The following LSG1 variants were observed in gnomAD, a reference collection of about 807,000 sequenced individuals.
The protein encoded by LSG1 is large subunit GTPase 1 homolog.
Under a neutral mutation model 82.6 loss-of-function variants are expected in LSG1, and 55 were observed. The observed-to-expected ratio is 0.67, with a 90% confidence interval of 0.54 to 0.83. LSG1 has a LOEUF of 0.83. Among genes scored for constraint, LSG1 ranks in the 40% least tolerant of loss-of-function variants. LSG1 has a pLI of 0.00. For synonymous variants in LSG1, 272 were observed against 282.5 expected, an observed-to-expected ratio of 0.96 and a Z score of 0.37; for missense variants, 809 against 807.9, an observed-to-expected ratio of 1.00 and a Z score of -0.02.
rs746022829 is a variant in LSG1 at position 194,642,215 on chromosome 3, CTG to C, written c.1828_1829del (p.Gln610GlyfsTer20). 6.2e-7 allele frequency: 1 copy of C among 1,614,068 alleles called. No individual in the cohort carries two copies. Among genetic ancestry groups the C allele is most frequent in the Non-Finnish European group, 8.5e-7 (1 of 1,180,000 alleles). Reference protein sequence around the residue: ...ENVRALTKGVQAVMGYKPGSG... With the variant: ...ENVRALTKGVXAVMGYKPGSG... ...TCCCGGGCTTGTAACCCATCACAGC[CTG>C]GACTCCTTTGGTCAAAGCCCTCACA... On this transcript the variant is annotated frameshift_variant, in exon 14 of 14. Coordinates refer to ENST00000265245, the MANE Select transcript of LSG1 (RefSeq NM_018385.3). LOFTEE classifies it high-confidence loss of function.
At chr3:194,654,566 T>C (rs1179121751) in intron 7 of LSG1, among the ~76,000 whole-genome samples, 1 of 152,186 alleles carries the variant, frequency 6.6e-6, no homozygotes, top group African/African-American at 2.4e-5. Flanking sequence ...AATATAGAAC[T>C]GGAAGCAATT....
At chr3:194,652,506 A>G (rs537666803) in intron 8 of LSG1, among the ~76,000 whole-genome samples, 163 of 152,306 alleles carry the variant, frequency 1.1e-3, no homozygotes, top group Non-Finnish European at 1.7e-3. Flanking sequence ...AATACATTCA[A>G]TGTGAATAGG....
intron 7 of LSG1, among the ~76,000 whole-genome samples, chr3:194,658,498 T>C (rs888989099): frequency 6.6e-6 from 1 of 152,204 alleles, no homozygotes; most frequent in African/African-American, 2.4e-5. Context: ...CAAACTACTT[T>C]TGCAAAATTT....
intron 5 of LSG1, among the ~76,000 whole-genome samples, chr3:194,665,122 G>A (rs77846532): frequency 0.013 from 1,923 of 152,230 alleles, 46 homozygotes; most frequent in African/African-American, 0.044. Context: ...ATTCATCTGT[G>A]TGTCCCTGGT....
chr3:194,657,902 A>G (rs1396455387), intron 7 of LSG1, among the ~76,000 whole-genome samples: 2 of 152,152 alleles, frequency 1.3e-5, no homozygotes, highest in Non-Finnish European at 2.9e-5. Flanking sequence ...AAAATAGTCA[A>G]AGAGAAATAT....
At chr3:194,643,181 T>G (rs569850372) in intron 13 of LSG1, among the ~76,000 whole-genome samples, 2 of 152,366 alleles carry the variant, frequency 1.3e-5, no homozygotes, top group East Asian at 3.9e-4. Flanking sequence ...TTTAAAATAC[T>G]GCCTACAAAT....
At chr3:194,670,437 T>C (rs1260924793) in intron 1 of LSG1, among the ~76,000 whole-genome samples, 1 of 152,212 alleles carries the variant, frequency 6.6e-6, no homozygotes, top group Admixed American at 6.5e-5. Context: ...AAAATCTAAA[T>C]GGCACAGGTA....
chr3:194,645,983 G>A (rs997775107), intron 12 of LSG1, among the ~76,000 whole-genome samples, 181 bp downstream of exon 12: 4 of 152,190 alleles, frequency 2.6e-5, no homozygotes, highest in Non-Finnish European at 5.9e-5. Context: ...GGTGTTCAGA[G>A]ATCTCCATCT....
Position 194,670,143 on chromosome 3 carries a change from A to C in LSG1, c.100-8T>G, listed in dbSNP as rs779075253. ...GAGTTCACTTGTGTGCAACTATGAA[A>C]AAACACAGGGTGATAAATACAGCTG... On this transcript the variant is annotated splice_polypyrimidine_tract_variant and splice_region_variant and intron_variant, in intron 1 of 13. Coordinates refer to ENST00000265245, the MANE Select transcript of LSG1 (RefSeq NM_018385.3). 4 of 1,612,936 alleles carry C rather than the reference A, an allele frequency of 2.5e-6. No homozygotes were observed. The highest frequency in any genetic ancestry group is 3.4e-6 in the Non-Finnish European group (4 of 1,179,464).
chr3:194,653,620 G>A (rs1228769411), intron 7 of LSG1, among the ~76,000 whole-genome samples: 2 of 152,150 alleles, frequency 1.3e-5, no homozygotes, highest in Non-Finnish European at 2.9e-5. Flanking sequence ...TGCCGTGACA[G>A]ACAACCATCG....
At chr3:194,645,827 T>G (rs1473902330) in intron 12 of LSG1, among the ~76,000 whole-genome samples, 2 of 152,188 alleles carry the variant, frequency 1.3e-5, no homozygotes, top group Non-Finnish European at 2.9e-5. Flanking sequence ...TGTTAGCTGT[T>G]ATCGTTACTA....
In LSG1 at chr3:194,645,551, CACACACACACACACACACAG is replaced by C. The variant is rs1560219740; in HGVS notation, c.1623+593_1623+612del. ...ACACAGACAGACACACACACACACA[CACACACACACACACACACAG>C]ACAGACACACACACACACACACACA... On this transcript the variant is annotated intron_variant, in intron 12 of 13. Coordinates refer to ENST00000265245, the MANE Select transcript of LSG1 (RefSeq NM_018385.3). 55 of 48,738 alleles carry C rather than the reference CACACACACACACACACACAG, an allele frequency of 1.1e-3. 3 individuals carry two copies. The South Asian group carries it at 0.013, about 11-fold the overall frequency. 3.0% of individuals were successfully genotyped at this position (48,738 alleles called of 1,614,324 possible). A position where few individuals can be genotyped will look rare whatever the true frequency, so the allele number is the denominator to read the frequency against.
rs142811406 is a variant in LSG1, at chr3:194,666,245, G to A, written c.392C>T (p.Ala131Val). ...QNTTPEELKQ[A>V]EKDNFLEWRR... ...CCATTCTAGAAAGTTATCTTTCTCT[G>A]CTTGTTTGAGTTCTTCTGGGGTAGT... The change falls in exon 4 of 14, where the codon GCA (alanine) becomes GTA (valine). Residue 131 changes from alanine to valine, a missense_variant. Physicochemically the swap from Ala to Val is moderately conservative, Grantham distance 64. Transcript: ENST00000265245. 1.9e-4 allele frequency: 300 copies of A among 1,613,968 alleles called. No individual in the cohort carries two copies. The highest frequency in any genetic ancestry group is 6.6e-4 in the Middle Eastern group (4 of 6,084).
At chr3:194,668,832 A>C (rs7642244) in intron 2 of LSG1, among the ~76,000 whole-genome samples, 1,759 of 152,360 alleles carry the variant, frequency 0.012, 18 homozygotes, top group Non-Finnish European at 0.015. Flanking sequence ...TGGATAAAGA[A>C]AACGTGGTAT....
At position 194,666,648 on chromosome 3, in the gene LSG1, A is replaced by G. The variant is rs1719036690; in HGVS notation, c.227-76T>C. The G allele has an allele frequency of 7.2e-6, 9 of 1,249,580 alleles. 1 individual carries two copies. The South Asian group carries it at 1.4e-4, about 19-fold the overall frequency. The allele number at this position is 1,249,580 out of a possible 1,614,324, so 77.4% of individuals were successfully genotyped here. A position where few individuals can be genotyped will look rare whatever the true frequency, so the allele number is the denominator to read the frequency against. On this transcript the variant is annotated intron_variant, in intron 2 of 13. Coordinates refer to ENST00000265245, the MANE Select transcript of LSG1 (RefSeq NM_018385.3). Reference sequence around the variant, plus strand: ...AGTGTTTGGTCATACTGATAAACTGAGAAAACTAAAAATGAGAGCCTAAGA... The same window carrying G: ...AGTGTTTGGTCATACTGATAAACTGGGAAAACTAAAAATGAGAGCCTAAGA...
At chr3:194,654,102 G>C (rs988941436) in intron 7 of LSG1, among the ~76,000 whole-genome samples, 1 of 151,622 alleles carries the variant, frequency 6.6e-6, no homozygotes, top group Admixed American at 6.5e-5. Flanking sequence ...TATTTTTAAA[G>C]ACGGTGGTTG....
At chr3:194,645,575 G>GACACACACACACACACAC (rs57272537) in intron 12 of LSG1, among the ~76,000 whole-genome samples, 6 of 20,136 alleles carry the variant, frequency 3.0e-4, no homozygotes, top group South Asian at 2.4e-3. Flanking sequence ...CACACAGACA[G>GACACACACACACACACAC]ACACACACAC....
At chr3:194,645,571 GACAGACACACACACACACACACACACAC>G (rs1718525343) in intron 12 of LSG1, among the ~76,000 whole-genome samples, 2 of 41,322 alleles carry the variant, frequency 4.8e-5, no homozygotes, top group African/African-American at 1.9e-4. Flanking sequence ...CACACACACA[GACAGACACACACACACACACACACACAC>G]ACACACACAC....
intron 12 of LSG1, chr3:194,645,535 G>GACACACACACACACAC (rs61447438): frequency 5.7e-5 from 2 of 34,996 alleles, no homozygotes; most frequent in Non-Finnish European, 1.3e-4. Context: ...CACACAGACA[G>GACACACACACACACAC]ACACACACAC....
Sources: allele counts gnomAD v4.1 joint callset (sites outside exome capture counted in the v4.1 genomes callset), GRCh38; gene constraint gnomAD v4.1.1; transcripts MANE v1.5; gene names NCBI Gene and HGNC (gene_info 2026-07-23, HGNC 2026-07-21).